The following TH variants were observed in gnomAD, a reference collection of about 807,000 sequenced individuals.
The protein encoded by TH is tyrosine hydroxylase.
A neutral mutation model predicts 57.4 loss-of-function variants in TH; 49 were observed. That is an observed-to-expected ratio of 0.85 (90% confidence interval 0.68 to 1.08). The LOEUF (loss-of-function observed/expected upper bound fraction) is 1.08. TH is among the 50% of genes least tolerant of loss of function. The pLI is 0.00. For synonymous variants in TH, 330 were observed against 304.5 expected, an observed-to-expected ratio of 1.08 and a Z score of -0.87; for missense variants, 720 against 696.7, an observed-to-expected ratio of 1.03 and a Z score of -0.38.
In TH at chr11:2,166,542, A is replaced by G. The variant is rs1180621336; in HGVS notation, c.985T>C (p.Cys329Arg). 6.2e-7 allele frequency: 1 copy of G among 1,602,450 alleles called. No homozygotes were observed. The highest frequency in any genetic ancestry group is 2.2e-5 in the East Asian group (1 of 44,546). Reference sequence around the variant, plus strand: ...GGCACGTGCCCCAGCAGCTCGTGGCAGCAGTCCCTGCGCGTAGGAGGGAGA... The same window carrying G: ...GGCACGTGCCCCAGCAGCTCGTGGCGGCAGTCCCTGCGCGTAGGAGGGAGA... ...SPMHSPEPDC[C>R]HELLGHVPML... The change falls in exon 9 of 13, where the codon TGC becomes CGC. Residue 329 changes from cysteine (C) to arginine (R), a missense_variant. Cys to Arg is a radical substitution (Grantham distance 180). Transcript: ENST00000352909.
chr11:2,166,747 C>G lies in TH; in HGVS notation c.863G>C (p.Arg288Pro). The G allele has an allele frequency of 6.5e-7, 1 of 1,549,648 alleles. No homozygotes were observed. The highest frequency in any genetic ancestry group is 8.7e-7 in the Non-Finnish European group (1 of 1,146,692). The change falls in exon 8 of 13, where the codon CGG becomes CCG. Residue 288 changes from arginine to proline, a missense_variant. Coordinates refer to ENST00000352909, the MANE Select transcript of TH (RefSeq NM_000360.4). ...FLKERTGFQLRPVAGLLSARD... is the reference protein window; with the variant it reads ...FLKERTGFQLPPVAGLLSARD... ...GGCGGACAGCAGGCCGGCCACAGGC[C>G]GCAGCTGGAAGCCCGTGCGCTCTGC...
intron 9 of TH, 43 bp downstream of exon 9, chr11:2,166,433 AAGCC>A: frequency 6.5e-7 from 1 of 1,532,038 alleles, no homozygotes; most frequent in Non-Finnish European, 8.7e-7. Context: ...CCCCGGCGCC[AAGCC>A]AGCCCCTGGG....
At chr11:2,169,547 G>A in intron 2 of TH, 103 bp downstream of exon 2, 7 of 1,171,728 alleles carry the variant, frequency 6.0e-6, no homozygotes, top group Non-Finnish European at 8.9e-6. Flanking sequence ...GGCCTCGGGG[G>A]CCTGGGCAGC....
At chr11:2,167,683 C>T in intron 5 of TH, 183 bp downstream of exon 5, 1 of 1,088,984 alleles carries the variant, frequency 9.2e-7, no homozygotes, top group Non-Finnish European at 1.3e-6. Context: ...CTCTAGCCCC[C>T]CTGGGCCTCA....
intron 2 of TH, 138 bp downstream of exon 2, chr11:2,169,510 TGA>T: frequency 8.7e-6 from 7 of 802,908 alleles, no homozygotes; most frequent in Non-Finnish European, 1.5e-5. Flanking sequence ...AGCTGAGGCC[TGA>T]GACTCCCCTG....
In TH at chr11:2,167,911, C is replaced by A; in HGVS notation, c.599G>T (p.Arg200Leu). The A allele has an allele frequency of 6.2e-7, 1 of 1,611,114 alleles. No individual in the cohort carries two copies. Among genetic ancestry groups the A allele is most frequent in the Non-Finnish European group, 8.5e-7 (1 of 1,179,172 alleles). Reference protein sequence around the residue: ...DHPGFSDQVYRQRRKLIAEIA... With the variant: ...DHPGFSDQVYLQRRKLIAEIA... ...CTCAGCAATCAGCTTCCTGCGCTGG[C>A]GGTACACCTGGTCCGAGAAGCCCTG... Residue 200 changes from arginine to leucine, a missense_variant, in exon 5 of 13, where the codon CGC becomes CTC. By Grantham distance (102) the Arg-to-Leu change is moderately radical. Coordinates refer to ENST00000352909, the MANE Select transcript of TH (RefSeq NM_000360.4).
chr11:2,166,905 CG>C lies in TH; in HGVS notation c.822del (p.Asp274GlufsTer6), dbSNP rs746125977. On this transcript the variant is annotated frameshift_variant, in exon 7 of 13. Transcript: ENST00000352909. LOFTEE classifies it high-confidence loss of function. ...YREDNIPQLEDVSRFLKERTG... is the reference protein window; with the variant it reads ...YREDNIPQLEXVSRFLKERTG... ...GGCACACCCTTCAGGAAGCGGGAGA[CG>C]TCCTCCAGCTGGGGGATATTGTCTT... The C allele has an allele frequency of 1.2e-6, 2 of 1,604,786 alleles. No homozygotes were observed.
chr11:2,168,510 G>A lies in TH; in HGVS notation c.468C>T (p.Arg156=). 1 of 1,612,352 alleles carries A rather than the reference G, an allele frequency of 6.2e-7. No individual in the cohort carries two copies. Among genetic ancestry groups the A allele is most frequent in the Non-Finnish European group, 8.5e-7 (1 of 1,179,846 alleles). Residue 156 remains arginine (R), a synonymous_variant, in exon 3 of 13, where the codon CGC becomes CGT. Coordinates refer to ENST00000352909, the MANE Select transcript of TH (RefSeq NM_000360.4). ...SGVRQVSEDV[R]SPAGPKVPWF... ...CCTCACCCTTGGGCCCCGCGGGGCT[G>A]CGCACGTCCTCTGACACCTGGCGCA...
chr11:2,167,258 A>T, intron 6 of TH, 177 bp downstream of exon 6: 1 of 962,196 alleles, frequency 1.0e-6, no homozygotes, highest in Non-Finnish European at 1.6e-6. Flanking sequence ...GGATGGCCCG[A>T]CAGGATGGGT....
chr11:2,169,745 A>G lies in TH; in HGVS notation c.217T>C (p.Phe73Leu), dbSNP rs577028504. ...ACGGCCTTCCCCTCCTTCTCCTCAA[A>G]GGCCACAGCCTCCAGGGGGTCCCCG... ...EPGDPLEAVA[F>L]EEKEGKAVLN... Residue 73 changes from phenylalanine to leucine, a missense_variant, in exon 2 of 13, where the codon TTT becomes CTT. Physicochemically the swap from Phe to Leu is conservative, Grantham distance 22. Transcript: ENST00000352909. 1 of 1,612,704 alleles carries G rather than the reference A, an allele frequency of 6.2e-7. No individual in the cohort carries two copies. Among genetic ancestry groups the G allele is most frequent in the Admixed American group, 1.7e-5 (1 of 60,012 alleles).
chr11:2,167,854 G>A lies in TH; in HGVS notation c.644+12C>T. On this transcript the variant is annotated intron_variant, in intron 5 of 12. Coordinates refer to ENST00000352909, the MANE Select transcript of TH (RefSeq NM_000360.4). ...GGACGGAGTCTGGGTCCCGAGCGCA[G>A]GGGCCCCTCACTGCCTGTACTGGAA... 2 of 1,596,884 alleles carry A rather than the reference G, an allele frequency of 1.3e-6. No homozygotes were observed. The highest frequency in any genetic ancestry group is 1.1e-5 in the South Asian group (1 of 88,702).
At position 2,168,561 on chromosome 11, in the gene TH, C is replaced by G; in HGVS notation, c.417G>C (p.Gly139=). The change falls in exon 3 of 13, where the codon GGG becomes GGC. Residue 139 remains glycine, a synonymous_variant. Transcript: ENST00000352909. ...EYFVRLEVRR[G]DLAALLSGVR... is the part of the protein sequence containing the mutation. ...CACCACTGAGCAGGGCGGCCAGGTC[C>G]CCTCGGCGCACCTCGAGGCGCACGA... 2 of 1,611,930 alleles carry G rather than the reference C, an allele frequency of 1.2e-6. No individual in the cohort carries two copies. The highest frequency in any genetic ancestry group is 1.7e-6 in the Non-Finnish European group (2 of 1,179,714).
chr11:2,171,685 C>G lies in TH; in HGVS notation c.90+12G>C. 1 of 1,611,040 alleles carries G rather than the reference C, an allele frequency of 6.2e-7. No individual in the cohort carries two copies. The highest frequency in any genetic ancestry group is 8.5e-7 in the Non-Finnish European group (1 of 1,179,658). On this transcript the variant is annotated intron_variant, in intron 1 of 12. Transcript: ENST00000352909. The surrounding 1 kb of genome is among the most constrained non-coding windows in gnomAD (Gnocchi z 8.6). Reference sequence around the variant, plus strand: ...TCCACTGCGGCCGCCGGGCACCTACCTGCCCTCTTACCATGATGGCCTCTG... The same window carrying G: ...TCCACTGCGGCCGCCGGGCACCTACGTGCCCTCTTACCATGATGGCCTCTG...
chr11:2,168,078 G>A lies in TH; in HGVS notation c.576+13C>T, dbSNP rs369163325. ...CAGGGGCAGGAGGCCTGAGTGAGGGGCGCACCACTCACCGGGTGGTCCAAG... is the reference window on the plus strand; with the variant it reads ...CAGGGGCAGGAGGCCTGAGTGAGGGACGCACCACTCACCGGGTGGTCCAAG... On this transcript the variant is annotated intron_variant, in intron 4 of 12. Transcript: ENST00000352909. 205 of 1,612,550 alleles carry A rather than the reference G, an allele frequency of 1.3e-4. 1 individual carries two copies. The highest frequency in any genetic ancestry group is 1.7e-4 in the Middle Eastern group (1 of 6,060).
Position 2,171,713 on chromosome 11 carries a change from T to A in TH, c.74A>T (p.Gln25Leu). 1 of 1,612,578 alleles carries A rather than the reference T, an allele frequency of 6.2e-7. No individual in the cohort carries two copies. Among genetic ancestry groups the A allele is most frequent in the Non-Finnish European group, 8.5e-7 (1 of 1,179,830 alleles). Residue 25 changes from glutamine to leucine, a missense_variant, in exon 1 of 13, where the codon CAG (glutamine) becomes CTG (leucine). Transcript: ENST00000352909. The surrounding 1 kb of genome is among the most constrained non-coding windows in gnomAD (Gnocchi z 8.6). ...CCCTCTTACCATGATGGCCTCTGCC[T>A]GCTTGGCGTCCAGCTCAGACACGGC... ...RRAVSELDAKQAEAIMSPRFI... is the reference protein window; with the variant it reads ...RRAVSELDAKLAEAIMSPRFI...
rs965288727 is a variant in TH, at chr11:2,168,133, G to A, written c.534C>T (p.His178=). 3 of 1,613,512 alleles carry A rather than the reference G, an allele frequency of 1.9e-6. No homozygotes were observed. The highest frequency in any genetic ancestry group is 2.5e-6 in the Non-Finnish European group (3 of 1,180,030). ...GGTCAGGGTCGAACTTGGTGACCAG[G>A]TGATGACACTTGTCCAGCTCTGACA... is the stretch of plus-strand genomic sequence containing the variant. ...RKVSELDKCH[H]LVTKFDPDLD... Residue 178 remains histidine (H), a synonymous_variant, in exon 4 of 13, where the codon CAC becomes CAT. Transcript: ENST00000352909.
rs189669975 is a variant in TH at position 2,171,323 on chromosome 11, A to T, written c.90+374T>A. On this transcript the variant is annotated intron_variant, in intron 1 of 12. Transcript: ENST00000352909. The surrounding 1 kb of genome is among the most constrained non-coding windows in gnomAD (Gnocchi z 8.6). ...GAGGGAGGCAGGGGCAGGTGGGAGT[A>T]GGGTGGGGGCTGGGTGCAGCAGCCG... is the stretch of plus-strand genomic sequence containing the variant. Among the ~76,000 whole-genome samples the T allele has an allele frequency of 5.7e-4, 87 of 151,704 alleles. No homozygotes were observed. The highest frequency in any genetic ancestry group is 1.7e-3 in the African/African-American group (71 of 41,380).
In TH at chr11:2,171,597, G is replaced by T. The variant is rs1437105921; in HGVS notation, c.90+100C>A. The T allele has an allele frequency of 3.0e-6, 4 of 1,353,068 alleles. No homozygotes were observed. The highest frequency in any genetic ancestry group is 4.1e-6 in the Non-Finnish European group (4 of 966,476). 83.8% of individuals were successfully genotyped at this position (1,353,068 alleles called of 1,614,324 possible). The stretch of plus-strand genomic sequence containing the variant: ...TCCCAGGGGTTTGCATGGACCCTGA[G>T]CCTGGGGCTGCCAGCCAGGCTGGGG... On this transcript the variant is annotated intron_variant, in intron 1 of 12. Coordinates refer to ENST00000352909, the MANE Select transcript of TH (RefSeq NM_000360.4). The surrounding 1 kb of genome is among the most constrained non-coding windows in gnomAD (Gnocchi z 8.6).
At position 2,171,796 on chromosome 11, in the gene TH, T is replaced by G; in HGVS notation, c.-10A>C. 1 of 1,609,884 alleles carries G rather than the reference T, an allele frequency of 6.2e-7. No individual in the cohort carries two copies. Among genetic ancestry groups the G allele is most frequent in the Non-Finnish European group, 8.5e-7 (1 of 1,179,434 alleles). On this transcript the variant is annotated 5_prime_UTR_variant, in exon 1 of 13. Transcript: ENST00000352909. This position sits in a 1 kb window ranked among gnomAD's most constrained non-coding sequence, Gnocchi z 8.6. ...CGTCGGGGGTGGGCATGGCTCAGTG[T>G]GGAGGTCCGGGCTCCGTCTCCACAG...
Sources: gnomAD v4.1 joint callset for allele counts (sites outside exome capture counted in the v4.1 genomes callset) on GRCh38, gnomAD v4.1.1 for gene constraint, Gnocchi (gnomAD v3.1) non-coding constraint, MANE v1.5 for transcripts, NCBI Gene and HGNC (gene_info 2026-07-23, HGNC 2026-07-21) for gene names.